KIF13A: variants seen among roughly 807,000 people sequenced by gnomAD.
The protein encoded by KIF13A is kinesin-like protein KIF13A.
In KIF13A, 79 loss-of-function variants were observed where a neutral mutation model predicts 212.2. That is an observed-to-expected ratio of 0.37 (90% confidence interval 0.31 to 0.45). The LOEUF (loss-of-function observed/expected upper bound fraction) is 0.45, where lower values mean the gene tolerates loss of function less well. Ranked by LOEUF, KIF13A falls within the 20% of genes least tolerant of loss-of-function variation. The probability of loss-of-function intolerance (pLI) is 1.00; values close to 1 mark genes in which losing one functional copy is unlikely to be tolerated. For missense variants in KIF13A, 1,901 were observed against 2,209.0 expected, an observed-to-expected ratio of 0.86 and a Z score of 2.79; for synonymous variants, 789 against 808.6, an observed-to-expected ratio of 0.98 and a Z score of 0.41.
intron 7 of KIF13A, among the ~76,000 whole-genome samples, chr6:17,851,456 T>C (rs954009729): frequency 6.6e-6 from 1 of 152,160 alleles, no homozygotes; most frequent in Non-Finnish European, 1.5e-5. Flanking sequence ...ACTATAGAAA[T>C]AGAAGCAGAA....
intron 22 of KIF13A, among the ~76,000 whole-genome samples, 161 bp from the exon 23 acceptor site, chr6:17,796,981 T>C (rs756469164): frequency 5.3e-5 from 8 of 152,120 alleles, no homozygotes; most frequent in Non-Finnish European, 1.2e-4. Flanking sequence ...AACCACAGAA[T>C]GTTAGATCTG....
In KIF13A at chr6:17,817,248, G is replaced by A. The variant is rs763317221; in HGVS notation, c.1787-15C>T. The A allele has an allele frequency of 6.2e-7, 1 of 1,610,330 alleles. No individual in the cohort carries two copies. Among genetic ancestry groups the A allele is most frequent in the East Asian group, 2.2e-5 (1 of 44,864 alleles). ...TTGAACTGGGTCTAGTGAGCCAAGA[G>A]ACAAGGCAAGGTGTCTTAGTGGCGG... is the stretch of plus-strand genomic sequence containing the variant. On this transcript the variant is annotated splice_polypyrimidine_tract_variant and intron_variant, in intron 16 of 38. Coordinates refer to ENST00000259711, the MANE Select transcript of KIF13A (RefSeq NM_022113.6).
At chr6:17,759,702 C>G (rs2150276824), downstream of KIF13A, 1 of 152,286 alleles carries the variant, frequency 6.6e-6, no homozygotes, top group Non-Finnish European at 1.5e-5. Flanking sequence ...TCATCTCCTG[C>G]AAACATGGTA....
At position 17,766,574 on chromosome 6, in the gene KIF13A, G is replaced by A. The variant is rs1168394961; in HGVS notation, c.4582-1628C>T. Reference sequence around the variant, plus strand: ...ATTTTTATTTATTTATTTTTTTACAGACAGGGGTCCTGCTCTGTCACTCAG... The same window carrying A: ...ATTTTTATTTATTTATTTTTTTACAAACAGGGGTCCTGCTCTGTCACTCAG... On this transcript the variant is annotated intron_variant, in intron 38 of 38. Coordinates refer to ENST00000259711, the MANE Select transcript of KIF13A (RefSeq NM_022113.6). 3.3e-5 allele frequency among the ~76,000 whole-genome samples: 5 copies of A among 152,028 alleles called. No individual in the cohort carries two copies. The South Asian group carries it at 6.2e-4, about 19-fold the overall frequency.
Position 17,850,309 on chromosome 6 carries a change from GCCTAAT to G in KIF13A, c.717+8_717+13del, listed in dbSNP as rs759673698. On this transcript the variant is annotated splice_region_variant and intron_variant, in intron 8 of 38. Coordinates refer to ENST00000259711, the MANE Select transcript of KIF13A (RefSeq NM_022113.6). The surrounding 1 kb of genome is among the most constrained non-coding windows in gnomAD (Gnocchi z 6.2). Reference sequence around the variant, plus strand: ...TCCACCCCCACTCCAAAAAGGTTCTGCCTAATCCCTTACCCCAGACTGCAGGTCATA... The same window carrying G: ...TCCACCCCCACTCCAAAAAGGTTCTGCCCTTACCCCAGACTGCAGGTCATA... 1.4e-5 allele frequency: 23 copies of G among 1,608,040 alleles called. No homozygotes were observed. The East Asian group carries it at 4.9e-4, about 34-fold the overall frequency.
Position 17,912,802 on chromosome 6 carries a change from G to A in KIF13A, c.147-14622C>T, listed in dbSNP as rs1309742792. Among the ~76,000 whole-genome samples the A allele has an allele frequency of 6.6e-6, 1 of 152,146 alleles. No homozygotes were observed. Among genetic ancestry groups the A allele is most frequent in the Non-Finnish European group, 1.5e-5 (1 of 68,028 alleles). Reference sequence around the variant, plus strand: ...ACTTGTTTCTCATGGTATCCTCCCTGTCCAGGTACTGGCCTCTGAACAGAG... The same window carrying A: ...ACTTGTTTCTCATGGTATCCTCCCTATCCAGGTACTGGCCTCTGAACAGAG... On this transcript the variant is annotated intron_variant, in intron 2 of 38. Coordinates refer to ENST00000259711, the MANE Select transcript of KIF13A (RefSeq NM_022113.6). This position sits in a 1 kb window ranked among gnomAD's most constrained non-coding sequence, Gnocchi z 4.2.
At chr6:17,975,597 A>G (rs899386396) in intron 2 of KIF13A, among the ~76,000 whole-genome samples, 9 of 152,198 alleles carry the variant, frequency 5.9e-5, no homozygotes, top group Non-Finnish European at 8.8e-5. Flanking sequence ...TACTGCCGCT[A>G]GTTCGGGCAG....
rs890837390 is a variant in KIF13A, at chr6:17,850,318, C to T, written c.717+5G>A. 1.2e-6 allele frequency: 2 copies of T among 1,611,118 alleles called. No individual in the cohort carries two copies. Among genetic ancestry groups the T allele is most frequent in the African/African-American group, 2.7e-5 (2 of 74,818 alleles). ...ACTCCAAAAAGGTTCTGCCTAATCCCTTACCCCAGACTGCAGGTCATAAAG... is the reference window on the plus strand; with the variant it reads ...ACTCCAAAAAGGTTCTGCCTAATCCTTTACCCCAGACTGCAGGTCATAAAG... On this transcript the variant is annotated splice_donor_5th_base_variant and intron_variant, in intron 8 of 38. Transcript: ENST00000259711. The surrounding 1 kb of genome is among the most constrained non-coding windows in gnomAD (Gnocchi z 6.2).
intron 17 of KIF13A, among the ~76,000 whole-genome samples, chr6:17,813,936 T>C (rs1763666347): frequency 1.3e-5 from 2 of 148,486 alleles, no homozygotes; most frequent in Admixed American, 7.0e-5. Context: ...GGTCTATAGA[T>C]GTAAGGTGCT....
chr6:17,875,595 C>T (rs1335763934), intron 3 of KIF13A, among the ~76,000 whole-genome samples: 1 of 151,980 alleles, frequency 6.6e-6, no homozygotes, highest in Non-Finnish European at 1.5e-5. Context: ...GCTGGGACTA[C>T]AGGCACGCAC....
chr6:17,803,544 T>C (rs1260241761), intron 20 of KIF13A, among the ~76,000 whole-genome samples: 2 of 152,180 alleles, frequency 1.3e-5, no homozygotes, highest in Non-Finnish European at 2.9e-5. Flanking sequence ...TGAAATATCT[T>C]ATGCCTACCT....
In KIF13A at chr6:17,828,760, T is replaced by C. The variant is rs989027530; in HGVS notation, c.1402-390A>G. Among the ~76,000 whole-genome samples, 1 of 152,184 alleles carries C rather than the reference T, an allele frequency of 6.6e-6. No homozygotes were observed. The highest frequency in any genetic ancestry group is 1.9e-4 in the East Asian group (1 of 5,202). On this transcript the variant is annotated intron_variant, in intron 13 of 38. Coordinates refer to ENST00000259711, the MANE Select transcript of KIF13A (RefSeq NM_022113.6). This position sits in a 1 kb window ranked among gnomAD's most constrained non-coding sequence, Gnocchi z 4.3. ...CTATTTCACCTATTTAGATTTCTTT[T>C]AGGATCATCTGAGTTAACAGTGAAA...
At chr6:17,966,555 A>G (rs1025448489) in intron 2 of KIF13A, among the ~76,000 whole-genome samples, 7 of 150,574 alleles carry the variant, frequency 4.6e-5, no homozygotes, top group Non-Finnish European at 7.4e-5. Flanking sequence ...CAATCTGAGC[A>G]CTAACAAGAA....
intron 16 of KIF13A, among the ~76,000 whole-genome samples, chr6:17,822,245 G>C (rs1362103064): frequency 6.6e-6 from 1 of 152,062 alleles, no homozygotes; most frequent in Non-Finnish European, 1.5e-5. Context: ...GATTCACCAT[G>C]TTGGCTAGGG....
At chr6:17,792,528 C>T (rs184513820) in intron 25 of KIF13A, among the ~76,000 whole-genome samples, 2 of 152,258 alleles carry the variant, frequency 1.3e-5, no homozygotes, top group African/African-American at 2.4e-5. Context: ...CTCTTTCGAC[C>T]GTGCAGCCAC....
At chr6:17,922,144 G>C (rs1775129436) in intron 2 of KIF13A, among the ~76,000 whole-genome samples, 1 of 152,144 alleles carries the variant, frequency 6.6e-6, no homozygotes, top group Admixed American at 6.6e-5. Context: ...TGCAGACACA[G>C]GGCTTTAACT....
intron 3 of KIF13A, among the ~76,000 whole-genome samples, chr6:17,874,749 C>T (rs1279458902): frequency 1.3e-5 from 2 of 151,866 alleles, no homozygotes. Flanking sequence ...TATTTGTAGT[C>T]TTTTATCCCT....
rs1760064856 is a variant in KIF13A, at chr6:17,777,207, T to A, written c.4170+70A>T. The A allele has an allele frequency of 8.0e-7, 1 of 1,249,998 alleles. No homozygotes were observed. Among genetic ancestry groups the A allele is most frequent in the Non-Finnish European group, 1.2e-6 (1 of 867,948 alleles). The allele number at this position is 1,249,998 out of a possible 1,614,324, so 77.4% of individuals were successfully genotyped here. A position where few individuals can be genotyped will look rare whatever the true frequency, so the allele number is the denominator to read the frequency against. On this transcript the variant is annotated intron_variant, in intron 34 of 38. Transcript: ENST00000259711. The surrounding 1 kb of genome is among the most constrained non-coding windows in gnomAD (Gnocchi z 4.4). ...ATAAGCTCTACTGCCACTGTGTGAA[T>A]CCCACCTTCCCCCACCCCAGAGGCT...
Position 17,886,298 on chromosome 6 carries a change from G to A in KIF13A, c.159+11870C>T, listed in dbSNP as rs1771529728. Reference sequence around the variant, plus strand: ...CACTGCACCATGCCAGGTACATAGAGCCACAGAGAGGAGAATGCTAGGCTG... The same window carrying A: ...CACTGCACCATGCCAGGTACATAGAACCACAGAGAGGAGAATGCTAGGCTG... On this transcript the variant is annotated intron_variant, in intron 3 of 38. Transcript: ENST00000259711. This position sits in a 1 kb window ranked among gnomAD's most constrained non-coding sequence, Gnocchi z 5.6. Among the ~76,000 whole-genome samples the A allele has an allele frequency of 6.6e-6, 1 of 152,166 alleles. No individual in the cohort carries two copies. Among genetic ancestry groups the A allele is most frequent in the African/African-American group, 2.4e-5 (1 of 41,442 alleles).
Sources: gnomAD v4.1 joint callset for allele counts (sites outside exome capture counted in the v4.1 genomes callset) on GRCh38, gnomAD v4.1.1 for gene constraint, Gnocchi (gnomAD v3.1) non-coding constraint, MANE v1.5 for transcripts, NCBI Gene and HGNC (gene_info 2026-07-23, HGNC 2026-07-21) for gene names.